Variants in ITGA8 observed in about 807,000 individuals in gnomAD.
The protein encoded by ITGA8 is integrin subunit alpha 8, also known as integrin alpha-8.
In ITGA8, 91 loss-of-function variants were observed where a neutral mutation model predicts 142.3. The ratio of observed to expected loss-of-function variants is 0.64; its 90% CI spans 0.54 to 0.76. The LOEUF (loss-of-function observed/expected upper bound fraction) is 0.76. ITGA8 is among the 30% of genes least tolerant of loss of function. The pLI, the probability that ITGA8 is intolerant of heterozygous loss-of-function variation, is 0.00. For missense variants in ITGA8, 1,406 were observed against 1,327.7 expected (o/e 1.06, Z -0.92); for synonymous variants, 505 against 485.2 (o/e 1.04, Z -0.54).
intron 8 of ITGA8, among the ~76,000 whole-genome samples, chr10:15,666,930 T>C (rs1231930191): frequency 6.6e-6 from 1 of 152,216 alleles, no homozygotes; most frequent in Non-Finnish European, 1.5e-5. Context: ...CAGTACTTTA[T>C]TGAGGATTTT....
chr10:15,526,181 C>CTTTTTTTTTTTTTTTTT (rs67522720), intron 28 of ITGA8, among the ~76,000 whole-genome samples: 5 of 146,822 alleles, frequency 3.4e-5, no homozygotes, highest in East Asian at 2.0e-4. Flanking sequence ...TTATAAGATT[C>CTTTTTTTTTTTTTTTTT]TTTTTTTTTT....
At chr10:15,616,634 G>T in intron 13 of ITGA8, 75 bp from the exon 14 acceptor site, 2 of 1,232,030 alleles carry the variant, frequency 1.6e-6, no homozygotes, top group Non-Finnish European at 2.4e-6. Context: ...ATCGTAAGTA[G>T]CACATAGAAT....
chr10:15,655,500 G>T (rs1834167669), intron 10 of ITGA8, 94 bp from the exon 11 acceptor site: 1 of 872,308 alleles, frequency 1.1e-6, no homozygotes, highest in East Asian at 2.5e-5. Context: ...TCTCATTGTG[G>T]TACATTTTTG....
At chr10:15,655,094 A>G (rs1015074429) in intron 11 of ITGA8, among the ~76,000 whole-genome samples, 1 of 18,676 alleles carries the variant, frequency 5.4e-5, no homozygotes, top group East Asian at 1.7e-3. Flanking sequence ...ATGGCTGAAG[A>G]CTATAAAATT....
At chr10:15,563,639 G>T (rs1273472008) in intron 25 of ITGA8, among the ~76,000 whole-genome samples, 1 of 152,196 alleles carries the variant, frequency 6.6e-6, no homozygotes, top group African/African-American at 2.4e-5. Context: ...AAACAGCCAG[G>T]TGCGGTGGCT....
intron 2 of ITGA8, among the ~76,000 whole-genome samples, chr10:15,693,137 A>G (rs918257053): frequency 6.6e-6 from 1 of 152,232 alleles, no homozygotes; most frequent in South Asian, 2.1e-4. Context: ...TGCACATTCA[A>G]CTATTTCACA....
At chr10:15,574,918 T>G (rs7079126) in intron 24 of ITGA8, among the ~76,000 whole-genome samples, 30,705 of 151,754 alleles carry the variant, frequency 0.2, 4,268 homozygotes, top group East Asian at 0.41. Context: ...AAAATGGAAA[T>G]AATTAAAAAC....
At chr10:15,686,516 T>TA (rs1286659032) in intron 3 of ITGA8, among the ~76,000 whole-genome samples, 8 of 152,218 alleles carry the variant, frequency 5.3e-5, no homozygotes, top group Non-Finnish European at 5.9e-5. Context: ...TCTAAAAAGT[T>TA]ACTCTTTCAA....
At chr10:15,525,418 G>A (rs1225362974) in intron 28 of ITGA8, among the ~76,000 whole-genome samples, 10 of 151,834 alleles carry the variant, frequency 6.6e-5, no homozygotes, top group African/African-American at 1.7e-4. Context: ...CTAGGTGAGC[G>A]GATCACCTGA....
At chr10:15,692,610 G>A (rs1251091644) in intron 2 of ITGA8, among the ~76,000 whole-genome samples, 1 of 152,218 alleles carries the variant, frequency 6.6e-6, no homozygotes, top group Non-Finnish European at 1.5e-5. Flanking sequence ...ATCAGCATGA[G>A]GGACTCCAAA....
At chr10:15,710,472 C>A (rs1835343135) in intron 2 of ITGA8, among the ~76,000 whole-genome samples, 2 of 152,170 alleles carry the variant, frequency 1.3e-5, no homozygotes, top group South Asian at 4.1e-4. Flanking sequence ...ATTTCTGAAA[C>A]ATGTATCCTG....
At chr10:15,715,607 G>A (rs1294409629) in intron 2 of ITGA8, among the ~76,000 whole-genome samples, 1 of 152,196 alleles carries the variant, frequency 6.6e-6, no homozygotes, top group Non-Finnish European at 1.5e-5. Flanking sequence ...TTTGTTTTAT[G>A]TAGTAGAAAC....
chr10:15,625,444 GC>G (rs1407597816), intron 13 of ITGA8, among the ~76,000 whole-genome samples: 2 of 143,756 alleles, frequency 1.4e-5, no homozygotes, highest in African/African-American at 5.0e-5. Flanking sequence ...TCACATGTGT[GC>G]CGTCTGTGCA....
chr10:15,517,275 C>T (rs765501898), intron 29 of ITGA8, 31 bp from the exon 30 acceptor site: 76 of 1,477,748 alleles, frequency 5.1e-5, no homozygotes, highest in South Asian at 5.0e-4. Flanking sequence ...TATAAAATCA[C>T]GTCATTCTGG....
At chr10:15,574,372 C>T (rs1200375213) in intron 24 of ITGA8, among the ~76,000 whole-genome samples, 1 of 152,178 alleles carries the variant, frequency 6.6e-6, no homozygotes, top group Non-Finnish European at 1.5e-5. Context: ...GTACCATCTA[C>T]CCATCTCATA....
chr10:15,523,816 C>T lies in ITGA8; in HGVS notation c.2983-4404G>A, dbSNP rs143576410. Among the ~76,000 whole-genome samples the T allele has an allele frequency of 1.6e-3, 237 of 151,260 alleles. 1 individual carries two copies. Among genetic ancestry groups the T allele is most frequent in the African/African-American group, 5.5e-3 (228 of 41,146 alleles). On this transcript the variant is annotated intron_variant, in intron 28 of 29. Coordinates refer to ENST00000378076, the MANE Select transcript of ITGA8 (RefSeq NM_003638.3). ...TGGTGGTGGTGCATACCTGTAGTCT[C>T]GGCTGCTCAGGAGGCTGAGGCAGGA...
intron 26 of ITGA8, among the ~76,000 whole-genome samples, chr10:15,556,359 G>A: frequency 6.6e-6 from 1 of 151,850 alleles, no homozygotes; most frequent in Admixed American, 6.6e-5. Flanking sequence ...TGCTTTGGAT[G>A]GATAACCCTG....
chr10:15,604,418 T>C, intron 19 of ITGA8, 63 bp from the exon 20 acceptor site: 1 of 1,367,916 alleles, frequency 7.3e-7, no homozygotes, highest in Non-Finnish European at 9.9e-7. Context: ...GAATATTTTA[T>C]TTAAGGATTT....
At chr10:15,664,549 G>T (rs1474432176) in intron 8 of ITGA8, among the ~76,000 whole-genome samples, 8 of 150,320 alleles carry the variant, frequency 5.3e-5, no homozygotes, top group Admixed American at 4.0e-4. Flanking sequence ...AAGTTTTAGG[G>T]TACATGTGCA....
Sources: gnomAD v4.1 joint callset for allele counts (sites outside exome capture counted in the v4.1 genomes callset) on GRCh38, gnomAD v4.1.1 for gene constraint, MANE v1.5 for transcripts, NCBI Gene and HGNC (gene_info 2026-07-23, HGNC 2026-07-21) for gene names.